Variants in CHCHD6 observed in about 807,000 individuals in gnomAD.
CHCHD6 encodes MICOS complex subunit MIC25.
CHCHD6 carries 28 observed loss-of-function variants against 32.3 expected under a neutral mutation model. That is an observed-to-expected ratio of 0.87 (90% CI 0.64 to 1.19). The LOEUF (loss-of-function observed/expected upper bound fraction) is 1.19. Ranked by LOEUF, CHCHD6 falls within the 50% of genes most tolerant of loss-of-function variation. The pLI is 0.00. For synonymous variants in CHCHD6, 122 were observed against 117.5 expected (o/e 1.04, Z -0.25); for missense variants, 333 against 307.0 (o/e 1.08, Z -0.63).
intron 6 of CHCHD6, among the ~76,000 whole-genome samples, chr3:126,918,692 G>C (rs2078204034): frequency 6.6e-6 from 1 of 152,200 alleles, no homozygotes. Context: ...TATGGCTAGA[G>C]AGTAATGAAT....
At chr3:126,873,404 C>T (rs1489241099) in intron 5 of CHCHD6, among the ~76,000 whole-genome samples, 1 of 152,200 alleles carries the variant, frequency 6.6e-6, no homozygotes, top group Non-Finnish European at 1.5e-5. Flanking sequence ...TCACCAATAT[C>T]ACCAGTGTTT....
At chr3:126,910,667 T>C (rs909786653) in intron 5 of CHCHD6, among the ~76,000 whole-genome samples, 1 of 152,236 alleles carries the variant, frequency 6.6e-6, no homozygotes, top group Non-Finnish European at 1.5e-5. Context: ...TTTATAATAG[T>C]AGAAGACTAG....
At chr3:126,705,836 T>G (rs1156755572) in intron 1 of CHCHD6, among the ~76,000 whole-genome samples, 2 of 151,396 alleles carry the variant, frequency 1.3e-5, no homozygotes, top group Non-Finnish European at 2.9e-5. Flanking sequence ...AAAAAAAAAT[T>G]GGGTGTGTAT....
chr3:126,897,356 G>C (rs1318909858), intron 5 of CHCHD6, among the ~76,000 whole-genome samples: 1 of 152,146 alleles, frequency 6.6e-6, no homozygotes, highest in Admixed American at 6.5e-5. Flanking sequence ...TTCTTCTTTT[G>C]GATTAATATA....
intron 5 of CHCHD6, among the ~76,000 whole-genome samples, chr3:126,882,707 T>C (rs1254305582): frequency 6.6e-6 from 1 of 152,214 alleles, no homozygotes; most frequent in Non-Finnish European, 1.5e-5. Flanking sequence ...AAGGCAATTA[T>C]CACACATGCA....
At chr3:126,880,304 C>T (rs1313268005) in intron 5 of CHCHD6, among the ~76,000 whole-genome samples, 1 of 152,084 alleles carries the variant, frequency 6.6e-6, no homozygotes, top group Non-Finnish European at 1.5e-5. Flanking sequence ...TTCTAGAAGC[C>T]CCTCCTGCAG....
At chr3:126,704,880 T>C (rs985179276) in intron 1 of CHCHD6, among the ~76,000 whole-genome samples, 4 of 152,202 alleles carry the variant, frequency 2.6e-5, no homozygotes, top group Admixed American at 6.5e-5. Flanking sequence ...TCCCCTTCCT[T>C]GCCTGAAACC....
At chr3:126,824,509 C>G (rs897360582) in intron 4 of CHCHD6, among the ~76,000 whole-genome samples, 2 of 127,976 alleles carry the variant, frequency 1.6e-5, no homozygotes, top group Non-Finnish European at 3.1e-5. Context: ...GGCAGTGAGC[C>G]GAGATCAAGC....
rs539503745 is a variant in CHCHD6 at position 126,835,390 on chromosome 3, C to T, written c.412-17257C>T. ...TTCTCTGGTCAGGTAGGGGCCACTT[C>T]TCTGACTCCCTTAACCTCACGGCTC... On this transcript the variant is annotated intron_variant, in intron 4 of 7. Coordinates refer to ENST00000290913, the MANE Select transcript of CHCHD6 (RefSeq NM_032343.3). 6.6e-5 allele frequency among the ~76,000 whole-genome samples: 10 copies of T among 152,326 alleles called. No individual in the cohort carries two copies. The South Asian group carries it at 2.1e-3, about 32-fold the overall frequency.
intron 6 of CHCHD6, among the ~76,000 whole-genome samples, chr3:126,946,177 A>G (rs1469851806): frequency 6.6e-6 from 1 of 152,170 alleles, no homozygotes; most frequent in East Asian, 1.9e-4. Context: ...CTCTTCAGCC[A>G]CAGGCGGGCT....
At chr3:126,757,123 G>A (rs554865188) in intron 4 of CHCHD6, among the ~76,000 whole-genome samples, 56 of 152,302 alleles carry the variant, frequency 3.7e-4, no homozygotes, top group Admixed American at 3.4e-3. Context: ...AAAATCTGCA[G>A]TCTAGAATGC....
At chr3:126,764,208 T>TGC (rs1937271689) in intron 4 of CHCHD6, among the ~76,000 whole-genome samples, 2 of 146,476 alleles carry the variant, frequency 1.4e-5, no homozygotes, top group African/African-American at 5.0e-5. Flanking sequence ...TGCATATATA[T>TGC]ATATATATAT....
At chr3:126,828,923 G>T (rs897789395) in intron 4 of CHCHD6, among the ~76,000 whole-genome samples, 3 of 152,098 alleles carry the variant, frequency 2.0e-5, no homozygotes, top group African/African-American at 7.2e-5. Flanking sequence ...TCTTTTCAAA[G>T]AACCAATTTT....
intron 4 of CHCHD6, among the ~76,000 whole-genome samples, chr3:126,827,684 G>A (rs535845327): frequency 6.6e-6 from 1 of 152,234 alleles, no homozygotes; most frequent in East Asian, 1.9e-4. Context: ...AATCACTATT[G>A]TTGTTACAAA....
At chr3:126,800,203 T>C (rs1475388825) in intron 4 of CHCHD6, among the ~76,000 whole-genome samples, 1 of 152,122 alleles carries the variant, frequency 6.6e-6, no homozygotes, top group Non-Finnish European at 1.5e-5. Flanking sequence ...AACTCAACGA[T>C]TGTAAGGATG....
At chr3:126,804,524 A>G (rs1277476889) in intron 4 of CHCHD6, among the ~76,000 whole-genome samples, 1 of 152,244 alleles carries the variant, frequency 6.6e-6, no homozygotes, top group Non-Finnish European at 1.5e-5. Flanking sequence ...AAGAAGTTGA[A>G]TCTCTGAATA....
At chr3:126,836,804 C>T (rs567689414) in intron 4 of CHCHD6, among the ~76,000 whole-genome samples, 3 of 152,294 alleles carry the variant, frequency 2.0e-5, no homozygotes, top group Middle Eastern at 3.4e-3. Context: ...GCTGGCTCTG[C>T]TCTGGAGGAA....
At chr3:126,849,255 C>T (rs79851814) in intron 4 of CHCHD6, among the ~76,000 whole-genome samples, 2,745 of 152,374 alleles carry the variant, frequency 0.018, 31 homozygotes, top group Middle Eastern at 0.051. Context: ...TCTGACCCTG[C>T]ACGATAAAGA....
At chr3:126,755,408 G>A (rs1167946024) in intron 4 of CHCHD6, among the ~76,000 whole-genome samples, 1 of 152,200 alleles carries the variant, frequency 6.6e-6, no homozygotes, top group Admixed American at 6.5e-5. Context: ...GTGTCTTGGG[G>A]CTCTGGGTAA....
Sources: allele counts gnomAD v4.1 joint callset (sites outside exome capture counted in the v4.1 genomes callset), GRCh38; gene constraint gnomAD v4.1.1; transcripts MANE v1.5; gene names NCBI Gene and HGNC (gene_info 2026-07-23, HGNC 2026-07-21).